The following GRM7 variants were observed in gnomAD, a reference collection of about 807,000 sequenced individuals.
GRM7 encodes metabotropic glutamate receptor 7.
In GRM7, 35 loss-of-function variants were observed where a neutral mutation model predicts 84.5. That is an observed-to-expected ratio of 0.41 (90% confidence interval 0.32 to 0.55). The LOEUF (loss-of-function observed/expected upper bound fraction) is 0.55, where lower values mean the gene tolerates loss of function less well. GRM7 is among the 20% of genes least tolerant of loss of function. GRM7 has a pLI of 0.19. For synonymous variants in GRM7, 487 were observed against 455.1 expected (o/e 1.07, Z -0.89); for missense variants, 1,003 against 1,194.6 (o/e 0.84, Z 2.36).
At chr3:7,720,297 G>A (rs73809692) in intron 9 of GRM7, among the ~76,000 whole-genome samples, 6,886 of 152,066 alleles carry the variant, frequency 0.045, 553 homozygotes, top group African/African-American at 0.16. Flanking sequence ...GTAAAAGTTA[G>A]GCAATCTTCA....
At chr3:7,559,808 G>T (rs1693933766) in intron 7 of GRM7, among the ~76,000 whole-genome samples, 1 of 152,068 alleles carries the variant, frequency 6.6e-6, no homozygotes, top group African/African-American at 2.4e-5. Flanking sequence ...AGTTCTGAAG[G>T]TTAGATGTCC....
intron 2 of GRM7, among the ~76,000 whole-genome samples, chr3:7,266,715 C>G (rs1030392810): frequency 6.6e-6 from 1 of 152,168 alleles, no homozygotes; most frequent in Non-Finnish European, 1.5e-5. Context: ...TATTTTATGG[C>G]ATTCCAAACA....
intron 1 of GRM7, among the ~76,000 whole-genome samples, chr3:7,009,316 C>T (rs1695292450): frequency 6.6e-6 from 1 of 152,126 alleles, no homozygotes. Context: ...AAATATTGTA[C>T]TACTTAATAT....
chr3:7,612,981 C>A (rs1696911700), intron 8 of GRM7, among the ~76,000 whole-genome samples: 1 of 151,752 alleles, frequency 6.6e-6, no homozygotes, highest in Non-Finnish European at 1.5e-5. Flanking sequence ...CTTTAATGAG[C>A]AGATAATATG....
chr3:6,861,255 G>T lies in GRM7; in HGVS notation c.-134G>T, dbSNP rs752689748. ...CACCCTCTCTGGTCGCCCCTCCCCG[G>T]ATTCCCCCACCCTCCGTGCCTGCAG... On this transcript the variant is annotated 5_prime_UTR_variant, in exon 1 of 10. Coordinates refer to ENST00000357716, the MANE Select transcript of GRM7 (RefSeq NM_000844.4). The surrounding 1 kb of genome is among the most constrained non-coding windows in gnomAD (Gnocchi z 6.4). 4 of 718,860 alleles carry T rather than the reference G, an allele frequency of 5.6e-6. No individual in the cohort carries two copies. The highest frequency in any genetic ancestry group is 8.1e-6 in the Non-Finnish European group (4 of 494,284). 44.5% of individuals were successfully genotyped at this position (718,860 alleles called of 1,614,324 possible).
At chr3:7,402,997 T>C (rs140615604) in intron 4 of GRM7, 70 of 215,266 alleles carry the variant, frequency 3.3e-4, no homozygotes, top group African/African-American at 1.5e-3. Context: ...TAAGTTTAGA[T>C]GTTGAGCTCA....
At chr3:7,329,931 T>C (rs1226301266) in intron 4 of GRM7, among the ~76,000 whole-genome samples, 1 of 151,664 alleles carries the variant, frequency 6.6e-6, no homozygotes, top group Non-Finnish European at 1.5e-5. Context: ...GCATATGGAT[T>C]TAACAAACAT....
At chr3:7,235,610 C>G (rs776030648) in intron 2 of GRM7, among the ~76,000 whole-genome samples, 1 of 152,152 alleles carries the variant, frequency 6.6e-6, no homozygotes, top group Non-Finnish European at 1.5e-5. Flanking sequence ...GCAGCACATT[C>G]CTCATCCATC....
chr3:7,431,850 T>C (rs192129223), intron 5 of GRM7, among the ~76,000 whole-genome samples: 587 of 152,320 alleles, frequency 3.9e-3, no homozygotes, highest in Middle Eastern at 0.01. Context: ...TGGAGCAATA[T>C]GTAGACTCCG....
chr3:6,904,423 G>C (rs1696496167), intron 1 of GRM7, among the ~76,000 whole-genome samples: 1 of 152,068 alleles, frequency 6.6e-6, no homozygotes, highest in African/African-American at 2.4e-5. Context: ...TTTCTCACCT[G>C]TAAAGTAGGA....
chr3:7,617,162 G>C (rs1216400316), intron 8 of GRM7, among the ~76,000 whole-genome samples: 1 of 151,968 alleles, frequency 6.6e-6, no homozygotes, highest in African/African-American at 2.4e-5. Context: ...CAATGACCTT[G>C]AGCAGTAGGA....
chr3:7,422,555 C>T (rs1696440401), intron 5 of GRM7, among the ~76,000 whole-genome samples: 1 of 152,152 alleles, frequency 6.6e-6, no homozygotes, highest in South Asian at 2.1e-4. Context: ...TCATCTGTCA[C>T]TCCTGAATGT....
At chr3:7,442,715 C>T (rs1697340285) in intron 5 of GRM7, among the ~76,000 whole-genome samples, 1 of 152,130 alleles carries the variant, frequency 6.6e-6, no homozygotes, top group Non-Finnish European at 1.5e-5. Context: ...TATAGCATAG[C>T]TTCTGCAATA....
intron 2 of GRM7, among the ~76,000 whole-genome samples, chr3:7,153,866 G>C (rs1241621870): frequency 1.3e-5 from 2 of 152,032 alleles, no homozygotes. Flanking sequence ...CATATTTAGA[G>C]TAATGAACAC....
At chr3:7,054,727 C>G (rs1168119975) in intron 1 of GRM7, among the ~76,000 whole-genome samples, 1 of 151,910 alleles carries the variant, frequency 6.6e-6, no homozygotes, top group Admixed American at 6.6e-5. Flanking sequence ...TCATCTCTCT[C>G]TCTCTTTCTG....
chr3:7,460,674 A>G lies in GRM7; in HGVS notation c.1376-909A>G, dbSNP rs752269202. Among the ~76,000 whole-genome samples, 72 of 152,202 alleles carry G rather than the reference A, an allele frequency of 4.7e-4. 1 individual carries two copies. Among genetic ancestry groups the G allele is most frequent in the Non-Finnish European group, 5.9e-4 (40 of 68,040 alleles). ...TCCAGAGGATCATGAAATAAACAGA[A>G]CTCAGTTACTGAATGTTTTGTGATT... On this transcript the variant is annotated intron_variant, in intron 6 of 9. Coordinates refer to ENST00000357716, the MANE Select transcript of GRM7 (RefSeq NM_000844.4).
intron 2 of GRM7, among the ~76,000 whole-genome samples, chr3:7,194,949 G>C (rs1438335104): frequency 2.6e-5 from 4 of 152,088 alleles, no homozygotes; most frequent in Non-Finnish European, 5.9e-5. Context: ...AAGAGGACCT[G>C]AGGGAAGAGG....
chr3:6,862,867 C>T lies in GRM7; in HGVS notation c.519+960C>T, dbSNP rs1329300198. On this transcript the variant is annotated intron_variant, in intron 1 of 9. Coordinates refer to ENST00000357716, the MANE Select transcript of GRM7 (RefSeq NM_000844.4). The surrounding 1 kb of genome is among the most constrained non-coding windows in gnomAD (Gnocchi z 5.2). The stretch of plus-strand genomic sequence containing the variant: ...GAAGCGGGGCCCCGTGGTCCTCCTG[C>T]TCCGGTGCCGGAGGGAGACGGAGAA... 5.2e-6 allele frequency: 2 copies of T among 384,690 alleles called. No individual in the cohort carries two copies. The highest frequency in any genetic ancestry group is 5.2e-6 in the Non-Finnish European group (1 of 191,218). The allele number at this position is 384,690 out of a possible 1,614,324, so 23.8% of individuals were successfully genotyped here.
chr3:7,538,363 C>T (rs902730546), intron 7 of GRM7, among the ~76,000 whole-genome samples: 1 of 152,190 alleles, frequency 6.6e-6, no homozygotes, highest in East Asian at 1.9e-4. Flanking sequence ...CTGCACGCCT[C>T]AGCCTCCCAA....
Sources: allele counts gnomAD v4.1 joint callset (sites outside exome capture counted in the v4.1 genomes callset), GRCh38; gene constraint gnomAD v4.1.1; non-coding constraint Gnocchi (gnomAD v3.1); transcripts MANE v1.5; gene names NCBI Gene and HGNC (gene_info 2026-07-23, HGNC 2026-07-21).